The following DOCK2 variants were observed in gnomAD, a reference collection of about 807,000 sequenced individuals.
The protein encoded by DOCK2 is dedicator of cytokinesis 2.
In DOCK2, 87 loss-of-function variants were observed where a neutral mutation model predicts 248.9. The ratio of observed to expected loss-of-function variants is 0.35; its 90% CI spans 0.29 to 0.42. The LOEUF is 0.42. Ranked by LOEUF, DOCK2 falls within the 10% of genes least tolerant of loss-of-function variation. The pLI, the probability that DOCK2 is intolerant of heterozygous loss-of-function variation, is 1.00. For synonymous variants in DOCK2, 805 were observed against 821.6 expected (o/e 0.98, Z 0.35); for missense variants, 1,747 against 2,300.2 (o/e 0.76, Z 4.92).
chr5:169,910,840 A>T (rs1032708748), intron 27 of DOCK2, among the ~76,000 whole-genome samples: 1 of 152,192 alleles, frequency 6.6e-6, no homozygotes, highest in Non-Finnish European at 1.5e-5. Flanking sequence ...TCCAGCCCCC[A>T]GTAGGCTCTC....
intron 35 of DOCK2, 42 bp from the exon 36 acceptor site, chr5:170,036,473 G>A: frequency 2.5e-6 from 4 of 1,599,244 alleles, no homozygotes; most frequent in Non-Finnish European, 3.4e-6. Context: ...CTGTGATATT[G>A]CAGAGAACAA....
chr5:169,838,409 CGATAT>C (rs1389443112), intron 26 of DOCK2, among the ~76,000 whole-genome samples: 1 of 152,098 alleles, frequency 6.6e-6, no homozygotes, highest in Admixed American at 6.5e-5. Flanking sequence ...TGATGTGAGA[CGATAT>C]AAAGTGCTTA....
chr5:169,843,825 T>C, intron 27 of DOCK2, among the ~76,000 whole-genome samples: 1 of 152,244 alleles, frequency 6.6e-6, no homozygotes, highest in Non-Finnish European at 1.5e-5. Flanking sequence ...TTTGTGTCTG[T>C]CTTCTTTCCT....
At chr5:169,828,777 T>G in intron 26 of DOCK2, among the ~76,000 whole-genome samples, 1 of 152,308 alleles carries the variant, frequency 6.6e-6, no homozygotes, top group Non-Finnish European at 1.5e-5. Context: ...ATCTCTCCTT[T>G]CTCTCTGCAA....
Position 170,069,256 on chromosome 5 carries a change from C to T in DOCK2, c.4728+36C>T, listed in dbSNP as rs1463826172. 3.7e-6 allele frequency: 6 copies of T among 1,605,554 alleles called. No homozygotes were observed. In the Admixed American group the frequency reaches 5.0e-5, roughly 14 times the overall value. On this transcript the variant is annotated intron_variant, in intron 46 of 51. Transcript: ENST00000520908. The stretch of plus-strand genomic sequence containing the variant: ...GCTGGCCAGGGGAGCATGCTGCTCT[C>T]CTTCCTCTCCCCCCACCGTGGTTCA...
chr5:169,876,862 GTTA>G (rs1224665206), intron 27 of DOCK2, among the ~76,000 whole-genome samples: 1 of 152,150 alleles, frequency 6.6e-6, no homozygotes, highest in African/African-American at 2.4e-5. Context: ...TCCTCTCCTA[GTTA>G]ATAGAGTCAT....
intron 26 of DOCK2, among the ~76,000 whole-genome samples, chr5:169,808,674 T>G (rs954335656): frequency 1.3e-5 from 2 of 152,212 alleles, no homozygotes; most frequent in African/African-American, 4.8e-5. Flanking sequence ...CTTTGCTGGC[T>G]GCCGAGTAAC....
chr5:170,081,572 C>T, intron 50 of DOCK2: 2 of 459,514 alleles, frequency 4.4e-6, no homozygotes, highest in Non-Finnish European at 7.8e-6. Context: ...GTTCTGTTTC[C>T]TGGGGATGTC....
At chr5:170,025,872 C>A (rs192878415) in intron 33 of DOCK2, among the ~76,000 whole-genome samples, 1 of 143,744 alleles carries the variant, frequency 7.0e-6, no homozygotes, top group Non-Finnish European at 1.5e-5. Context: ...TCCATTTGTC[C>A]GTCCATCCAT....
At chr5:169,688,822 A>C (rs565275810) in intron 8 of DOCK2, among the ~76,000 whole-genome samples, 3 of 152,358 alleles carry the variant, frequency 2.0e-5, no homozygotes, top group Admixed American at 2.0e-4. Context: ...AGGGTAACTT[A>C]AAATAATTCA....
chr5:169,900,847 A>C (rs865784511), intron 27 of DOCK2, among the ~76,000 whole-genome samples: 2 of 152,200 alleles, frequency 1.3e-5, no homozygotes, highest in Non-Finnish European at 2.9e-5. Context: ...GCCTGCCTGG[A>C]ATTGACTGTA....
chr5:169,995,773 T>TG (rs966366406), intron 29 of DOCK2, among the ~76,000 whole-genome samples: 279 of 151,890 alleles, frequency 1.8e-3, no homozygotes, highest in South Asian at 9.4e-3. Context: ...TGTTTGGGGA[T>TG]GGGGGGGGTG....
intron 32 of DOCK2, among the ~76,000 whole-genome samples, chr5:170,012,868 T>C (rs1755354739): frequency 1.3e-5 from 2 of 152,214 alleles, no homozygotes; most frequent in Non-Finnish European, 2.9e-5. Flanking sequence ...GGACACATTC[T>C]AGCGCCTGGC....
chr5:169,752,796 G>A (rs902719596), intron 23 of DOCK2, among the ~76,000 whole-genome samples: 1 of 151,408 alleles, frequency 6.6e-6, no homozygotes, highest in Admixed American at 6.6e-5. Context: ...GCCGGGCGCC[G>A]TGACTCACGC....
chr5:169,867,977 A>G (rs562558284), intron 27 of DOCK2, among the ~76,000 whole-genome samples: 4 of 152,316 alleles, frequency 2.6e-5, no homozygotes, highest in East Asian at 3.9e-4. Flanking sequence ...GGGAACATCT[A>G]TATTCACAAT....
At chr5:170,072,782 AC>A (rs1419976202) in intron 46 of DOCK2, among the ~76,000 whole-genome samples, 1 of 152,188 alleles carries the variant, frequency 6.6e-6, no homozygotes, top group African/African-American at 2.4e-5. Context: ...GATGTTCAGC[AC>A]CTTTTCATAT....
intron 25 of DOCK2, among the ~76,000 whole-genome samples, chr5:169,788,284 A>G (rs1047223061): frequency 6.6e-5 from 10 of 152,132 alleles, no homozygotes; most frequent in Admixed American, 2.0e-4. Flanking sequence ...ACTTTTTCAC[A>G]TGAATAGAGA....
chr5:169,737,802 C>T (rs913879513), intron 22 of DOCK2, among the ~76,000 whole-genome samples: 1 of 152,202 alleles, frequency 6.6e-6, no homozygotes, highest in Non-Finnish European at 1.5e-5. Flanking sequence ...ATACCTTCCT[C>T]CCCATTCCTG....
chr5:170,031,766 A>G lies in DOCK2; in HGVS notation c.3468-2633A>G, dbSNP rs908098427. Reference sequence around the variant, plus strand: ...GCCAATTTTCCCATCCATTTCACCAATCCTAGATGGTTTGAGCACCTTTCT... The same window carrying G: ...GCCAATTTTCCCATCCATTTCACCAGTCCTAGATGGTTTGAGCACCTTTCT... On this transcript the variant is annotated intron_variant, in intron 34 of 51. Transcript: ENST00000520908. 5.9e-5 allele frequency among the ~76,000 whole-genome samples: 9 copies of G among 152,302 alleles called. 1 individual carries two copies. In the South Asian group the frequency reaches 8.3e-4, roughly 14 times the overall value.
Sources: allele counts gnomAD v4.1 joint callset (sites outside exome capture counted in the v4.1 genomes callset), GRCh38; gene constraint gnomAD v4.1.1; transcripts MANE v1.5; gene names NCBI Gene and HGNC (gene_info 2026-07-23, HGNC 2026-07-21).